Variants in DAB1 observed in about 807,000 individuals in gnomAD.
DAB1 encodes DAB adaptor protein 1, also known as disabled homolog 1.
DAB1 carries 15 observed loss-of-function variants against 64.6 expected under a neutral mutation model. The ratio of observed to expected loss-of-function variants is 0.23; its 90% CI spans 0.16 to 0.36. DAB1 has a LOEUF of 0.36. Among genes scored for constraint, DAB1 ranks in the 10% least tolerant of loss-of-function variants. DAB1 has a pLI of 1.00. For missense variants in DAB1, 596 were observed against 706.7 expected, an observed-to-expected ratio of 0.84 and a Z score of 1.78; for synonymous variants, 235 against 251.9, an observed-to-expected ratio of 0.93 and a Z score of 0.64.
At chr1:58,114,091 CA>C (rs530606878) in intron 5 of DAB1, among the ~76,000 whole-genome samples, 9,348 of 109,884 alleles carry the variant, frequency 0.085, 922 homozygotes, top group African/African-American at 0.24. Context: ...TACTAAAATA[CA>C]AAAAAAAAAA....
chr1:57,564,850 A>G (rs201903008), intron 7 of DAB1, among the ~76,000 whole-genome samples: 1 of 152,206 alleles, frequency 6.6e-6, no homozygotes, highest in Non-Finnish European at 1.5e-5. Context: ...AAAACACTCT[A>G]CAGGATATTA....
At chr1:57,507,982 C>G (rs553781470) in intron 7 of DAB1, among the ~76,000 whole-genome samples, 6 of 152,080 alleles carry the variant, frequency 3.9e-5, no homozygotes, top group Non-Finnish European at 8.8e-5. Context: ...GAGTCCTATC[C>G]CCAGAGATAT....
intron 7 of DAB1, among the ~76,000 whole-genome samples, chr1:57,518,758 A>G (rs1644491839): frequency 2.0e-5 from 3 of 152,158 alleles, no homozygotes; most frequent in African/African-American, 4.8e-5. Context: ...TAAAAACTCT[A>G]AACTAGTCTC....
chr1:57,910,711 T>C (rs1244869915), intron 5 of DAB1, among the ~76,000 whole-genome samples: 1 of 152,218 alleles, frequency 6.6e-6, no homozygotes, highest in Non-Finnish European at 1.5e-5. Flanking sequence ...TAGATGCTCG[T>C]GTATGTTCAA....
At chr1:57,907,090 G>A (rs72920615) in intron 5 of DAB1, among the ~76,000 whole-genome samples, 2,888 of 152,178 alleles carry the variant, frequency 0.019, 95 homozygotes, top group African/African-American at 0.067. Flanking sequence ...TTATAATTAC[G>A]TCACATGCCA....
intron 5 of DAB1, among the ~76,000 whole-genome samples, chr1:58,125,613 TA>T: frequency 6.6e-6 from 1 of 152,024 alleles, no homozygotes; most frequent in East Asian, 1.9e-4. Flanking sequence ...GGATACTTTT[TA>T]AAAAAATGTT....
At chr1:57,613,555 G>A (rs1480585953) in intron 7 of DAB1, among the ~76,000 whole-genome samples, 1 of 152,214 alleles carries the variant, frequency 6.6e-6, no homozygotes, top group Non-Finnish European at 1.5e-5. Flanking sequence ...AATGCATGCT[G>A]TGTCTGCATG....
Position 58,545,437 on chromosome 1 carries a change from G to A in DAB1, n.32+1266C>T, listed in dbSNP as rs530822906. Among the ~76,000 whole-genome samples, 6 of 152,194 alleles carry A rather than the reference G, an allele frequency of 3.9e-5. No homozygotes were observed. In the South Asian group the frequency reaches 1.0e-3, roughly 26 times the overall value. ...TAATACCCGGTTTATCCTGAAGAAA[G>A]GGTAAAGAATGAGGGAAGAAATCTA... On this transcript the variant is annotated intron_variant and non_coding_transcript_variant, in intron 1 of 20. Coordinates refer to the DAB1 transcript ENST00000485760.
intron 5 of DAB1, among the ~76,000 whole-genome samples, chr1:57,914,509 C>A (rs1009174782): frequency 8.6e-5 from 13 of 152,010 alleles, no homozygotes; most frequent in African/African-American, 3.1e-4. Flanking sequence ...CAACATGGCA[C>A]ATGTATACAT....
At chr1:57,046,321 C>T (rs980608919) in intron 9 of DAB1, among the ~76,000 whole-genome samples, 25 of 152,198 alleles carry the variant, frequency 1.6e-4, no homozygotes, top group African/African-American at 5.8e-4. Flanking sequence ...AGTTTCTCGC[C>T]TCCTTTCTAA....
intron 6 of DAB1, among the ~76,000 whole-genome samples, chr1:57,700,268 T>C (rs2101729314): frequency 6.6e-6 from 1 of 152,350 alleles, no homozygotes; most frequent in South Asian, 2.1e-4. Flanking sequence ...ATCATACTTT[T>C]TTTAAGTACA....
At chr1:58,443,932 C>T (rs1645038924) in intron 3 of DAB1, among the ~76,000 whole-genome samples, 1 of 152,152 alleles carries the variant, frequency 6.6e-6, no homozygotes, top group Admixed American at 6.6e-5. Context: ...TAAAAATTTA[C>T]TTCACCTTTT....
intron 5 of DAB1, among the ~76,000 whole-genome samples, chr1:57,928,699 C>T (rs1396619070): frequency 6.6e-6 from 1 of 152,228 alleles, no homozygotes; most frequent in Non-Finnish European, 1.5e-5. Context: ...GTTGAAATCA[C>T]AAAGTACGTA....
At chr1:57,687,613 A>AAAAAAAAAAAAAAAAAC (rs1646715779) in intron 6 of DAB1, among the ~76,000 whole-genome samples, 1 of 149,846 alleles carries the variant, frequency 6.7e-6, no homozygotes, top group Non-Finnish European at 1.5e-5. Context: ...AAAAAAAAAA[A>AAAAAAAAAAAAAAAAAC]AAAAAAGAAA....
intron 4 of DAB1, among the ~76,000 whole-genome samples, chr1:57,106,327 A>G (rs1655154340): frequency 6.6e-6 from 1 of 151,344 alleles, no homozygotes; most frequent in South Asian, 2.1e-4. Flanking sequence ...AATCTCAACA[A>G]GACACAGGCT....
At chr1:57,833,208 AAAGAG>A (rs1166298801) in intron 1 of DAB1, among the ~76,000 whole-genome samples, 1 of 152,214 alleles carries the variant, frequency 6.6e-6, no homozygotes, top group African/African-American at 2.4e-5. Flanking sequence ...TTTCTTTAGA[AAAGAG>A]AACAGATTAA....
chr1:58,040,831 T>C (rs938561994), intron 5 of DAB1, among the ~76,000 whole-genome samples: 6 of 152,190 alleles, frequency 3.9e-5, no homozygotes, highest in African/African-American at 1.4e-4. Flanking sequence ...AGGCATCCAC[T>C]TCAATTCTCT....
rs1177589669 is a variant in DAB1 at position 56,997,723 on chromosome 1, T to G, written c.*421A>C. On this transcript the variant is annotated 3_prime_UTR_variant, in exon 15 of 15. Coordinates refer to ENST00000371236, the MANE Select transcript of DAB1 (RefSeq NM_001365792.1). The stretch of plus-strand genomic sequence containing the variant: ...CAGTTCCAACCCTGTTGTAATCCTC[T>G]GATGCCTGTCACTCCAAATTTGGTG... 1 of 152,194 alleles carries G rather than the reference T, an allele frequency of 6.6e-6. No individual in the cohort carries two copies. The highest frequency in any genetic ancestry group is 1.5e-5 in the Non-Finnish European group (1 of 68,026). 9.4% of individuals were successfully genotyped at this position (152,194 alleles called of 1,614,324 possible). A position where few individuals can be genotyped will look rare whatever the true frequency, so the allele number is the denominator to read the frequency against.
At chr1:57,443,700 A>T (rs999106804) in intron 7 of DAB1, among the ~76,000 whole-genome samples, 1 of 152,164 alleles carries the variant, frequency 6.6e-6, no homozygotes, top group Non-Finnish European at 1.5e-5. Context: ...CCTCTGCTTC[A>T]TTCCCCTATA....
Sources: allele counts gnomAD v4.1 joint callset (sites outside exome capture counted in the v4.1 genomes callset), GRCh38; gene constraint gnomAD v4.1.1; transcripts MANE v1.5; gene names NCBI Gene and HGNC (gene_info 2026-07-23, HGNC 2026-07-21).